Variants in PRKCE observed in about 807,000 individuals in gnomAD.
The protein encoded by PRKCE is protein kinase C epsilon type.
PRKCE carries 16 observed loss-of-function variants against 85.4 expected under a neutral mutation model. The ratio of observed to expected loss-of-function variants is 0.19; its 90% CI spans 0.13 to 0.28. The LOEUF is 0.28. Among genes scored for constraint, PRKCE ranks in the 10% least tolerant of loss-of-function variants. The pLI is 1.00. For synonymous variants in PRKCE, 388 were observed against 371.5 expected, an observed-to-expected ratio of 1.04 and a Z score of -0.51; for missense variants, 573 against 975.2, an observed-to-expected ratio of 0.59 and a Z score of 5.49.
chr2:45,762,829 GCTT>G (rs1558644885), intron 1 of PRKCE, among the ~76,000 whole-genome samples: 2 of 152,322 alleles, frequency 1.3e-5, no homozygotes, highest in Admixed American at 1.3e-4. Context: ...AGGATAAAAA[GCTT>G]CTGTGCTGTT....
At chr2:46,034,479 A>G (rs964694812) in intron 10 of PRKCE, among the ~76,000 whole-genome samples, 1 of 152,110 alleles carries the variant, frequency 6.6e-6, no homozygotes, top group African/African-American at 2.4e-5. Context: ...TCCAACTCCT[A>G]ATTTTGAAAA....
chr2:46,130,197 A>G (rs1306964270), intron 11 of PRKCE, among the ~76,000 whole-genome samples: 8 of 152,308 alleles, frequency 5.3e-5, no homozygotes, highest in African/African-American at 1.7e-4. Context: ...TTGGAAAGAG[A>G]CAAATAACAC....
At chr2:46,166,104 C>G (rs1019546857) in intron 14 of PRKCE, among the ~76,000 whole-genome samples, 2 of 152,214 alleles carry the variant, frequency 1.3e-5, no homozygotes, top group African/African-American at 2.4e-5. Context: ...CGAGGGAGGC[C>G]TCTCCTGCAT....
chr2:45,770,166 C>T (rs983696086), intron 1 of PRKCE, among the ~76,000 whole-genome samples: 5 of 152,214 alleles, frequency 3.3e-5, no homozygotes, highest in South Asian at 2.1e-4. Flanking sequence ...AGCCCTCTCT[C>T]GGACTGCAGC....
chr2:45,701,168 A>G (rs1266429332), intron 1 of PRKCE, among the ~76,000 whole-genome samples: 2 of 152,220 alleles, frequency 1.3e-5, no homozygotes, highest in African/African-American at 4.8e-5. Flanking sequence ...TACCTAGAAC[A>G]AGGCCAGGAA....
intron 10 of PRKCE, among the ~76,000 whole-genome samples, chr2:46,038,651 TCACACA>T (rs3222422): frequency 0.14 from 18,332 of 128,526 alleles, 1,325 homozygotes; most frequent in East Asian, 0.25. Context: ...AGTAACAACT[TCACACA>T]CACACACACA....
intron 1 of PRKCE, among the ~76,000 whole-genome samples, chr2:45,757,676 TAATA>T (rs1684123037): frequency 6.6e-6 from 1 of 151,906 alleles, no homozygotes; most frequent in South Asian, 2.1e-4. Flanking sequence ...TATTAAAAAA[TAATA>T]AATAATAAAT....
intron 2 of PRKCE, among the ~76,000 whole-genome samples, chr2:45,939,223 A>G (rs961927924): frequency 6.6e-6 from 1 of 152,228 alleles, no homozygotes; most frequent in Non-Finnish European, 1.5e-5. Flanking sequence ...GAAATTTGAT[A>G]CAAGTGCCAA....
intron 1 of PRKCE, among the ~76,000 whole-genome samples, chr2:45,839,825 C>T (rs940598144): frequency 5.9e-5 from 9 of 152,204 alleles, no homozygotes; most frequent in African/African-American, 1.4e-4. Flanking sequence ...GCTTGGCTGG[C>T]GATCTGCGGC....
intron 1 of PRKCE, among the ~76,000 whole-genome samples, chr2:45,716,910 AG>A (rs1198099898): frequency 6.6e-6 from 1 of 152,218 alleles, no homozygotes; most frequent in Admixed American, 6.5e-5. Context: ...GAGCGAAGGG[AG>A]AAGCCCCTTA....
At chr2:45,666,741 A>G (rs917257517) in intron 1 of PRKCE, among the ~76,000 whole-genome samples, 2 of 152,162 alleles carry the variant, frequency 1.3e-5, no homozygotes, top group African/African-American at 4.8e-5. Flanking sequence ...TTTCTTTAGC[A>G]GACACAGAAG....
chr2:45,933,418 T>A (rs561553521), intron 2 of PRKCE, among the ~76,000 whole-genome samples: 1 of 151,572 alleles, frequency 6.6e-6, no homozygotes, highest in Non-Finnish European at 1.5e-5. Context: ...TGTTCACCTA[T>A]GACTTCTTCC....
chr2:45,921,498 C>A (rs1698246560), intron 2 of PRKCE, among the ~76,000 whole-genome samples: 1 of 152,240 alleles, frequency 6.6e-6, no homozygotes, highest in South Asian at 2.1e-4. Context: ...AATGACCCAA[C>A]AAGTTATGTA....
intron 1 of PRKCE, among the ~76,000 whole-genome samples, chr2:45,665,211 T>C (rs1675856016): frequency 6.6e-6 from 1 of 152,212 alleles, no homozygotes; most frequent in Non-Finnish European, 1.5e-5. Context: ...TAGAAGAGGA[T>C]CACTTCTCAG....
intron 1 of PRKCE, among the ~76,000 whole-genome samples, chr2:45,734,741 A>G (rs916695856): frequency 2.6e-5 from 4 of 151,982 alleles, no homozygotes; most frequent in Admixed American, 2.0e-4. Context: ...TCACTCCCCA[A>G]CTGCTGGGAG....
chr2:45,838,592 T>G (rs1397581122), intron 1 of PRKCE, among the ~76,000 whole-genome samples: 1 of 152,082 alleles, frequency 6.6e-6, no homozygotes, highest in Non-Finnish European at 1.5e-5. Flanking sequence ...TACTCTTACC[T>G]TGGATTTTAA....
chr2:46,140,282 G>A (rs1675385956), intron 11 of PRKCE, among the ~76,000 whole-genome samples: 1 of 152,174 alleles, frequency 6.6e-6, no homozygotes, highest in African/African-American at 2.4e-5. Context: ...GTACTACCAA[G>A]TGTTAAAAGG....
intron 10 of PRKCE, among the ~76,000 whole-genome samples, chr2:46,060,784 CAG>C (rs1164384004): frequency 1.4e-5 from 2 of 147,058 alleles, no homozygotes; most frequent in Non-Finnish European, 3.0e-5. Flanking sequence ...GTTTTTGAGA[CAG>C]AGTCTCACTG....
chr2:46,107,128 C>A lies in PRKCE; in HGVS notation c.1592+20766C>A, dbSNP rs76769220. Among the ~76,000 whole-genome samples the A allele has an allele frequency of 2.6e-4, 40 of 152,274 alleles. No individual in the cohort carries two copies. In the East Asian group the frequency reaches 7.1e-3, roughly 27 times the overall value. On this transcript the variant is annotated intron_variant, in intron 11 of 14. Coordinates refer to ENST00000306156, the MANE Select transcript of PRKCE (RefSeq NM_005400.3). ...CAACATAGTTACATTGGCTGAAAAA[C>A]CCCCTGTGCTTTACCTATCCAACTC...
Sources: allele counts gnomAD v4.1 joint callset (sites outside exome capture counted in the v4.1 genomes callset), GRCh38; gene constraint gnomAD v4.1.1; transcripts MANE v1.5; gene names NCBI Gene and HGNC (gene_info 2026-07-23, HGNC 2026-07-21).